Variants in COL11A1 observed in about 807,000 individuals in gnomAD.
COL11A1 encodes the protein collagen type XI alpha 1 chain, also known as collagen alpha-1(XI) chain.
Under a neutral mutation model 265.2 loss-of-function variants are expected in COL11A1, and 74 were observed. The ratio of observed to expected loss-of-function variants is 0.28; its 90% CI spans 0.23 to 0.34. The LOEUF is 0.34. Ranked by LOEUF, COL11A1 falls within the 10% of genes least tolerant of loss-of-function variation. COL11A1 has a pLI of 1.00. For missense variants in COL11A1, 2,165 were observed against 2,263.6 expected (o/e 0.96, Z 0.88); for synonymous variants, 816 against 727.6 (o/e 1.12, Z -1.96).
intron 62 of COL11A1, 137 bp downstream of exon 62, chr1:102,888,440 T>A: frequency 1.3e-6 from 1 of 770,610 alleles, no homozygotes; most frequent in Non-Finnish European, 2.2e-6. Flanking sequence ...TTTGATTACT[T>A]AAATGATATA....
intron 41 of COL11A1, among the ~76,000 whole-genome samples, chr1:102,956,692 AT>A (rs1292651311): frequency 6.6e-6 from 1 of 151,522 alleles, no homozygotes; most frequent in Admixed American, 6.6e-5. Flanking sequence ...GTATTTAAAA[AT>A]ATTAACTATA....
At position 102,965,514 on chromosome 1, in the gene COL11A1, A is replaced by G; in HGVS notation, c.2889T>C (p.Pro963=). ...GTGGTCCAACCACTCCCCCTGGCCC[A>G]GGAGGGCCGGTCTTGCCTTGAAATC... ...ETGFQGKTGP[P]GPGGVVGPQG... Residue 963 remains proline, a synonymous_variant, in exon 38 of 67, where the codon CCT becomes CCC. Transcript: ENST00000370096. 6.2e-7 allele frequency: 1 copy of G among 1,613,730 alleles called. No individual in the cohort carries two copies. The highest frequency in any genetic ancestry group is 8.5e-7 in the Non-Finnish European group (1 of 1,179,740).
chr1:102,943,231 A>T (rs1658913799), intron 42 of COL11A1, among the ~76,000 whole-genome samples: 1 of 151,936 alleles, frequency 6.6e-6, no homozygotes, highest in Admixed American at 6.6e-5. Context: ...GAGGTGATTT[A>T]CATGTCCCTA....
At chr1:102,951,423 A>C (rs879596169) in intron 41 of COL11A1, among the ~76,000 whole-genome samples, 41 of 152,258 alleles carry the variant, frequency 2.7e-4, no homozygotes, top group East Asian at 1.9e-3. Context: ...TCACGCCGGG[A>C]GTGGTGGCTC....
At chr1:103,088,059 CAA>C (rs1031024020) in intron 1 of COL11A1, among the ~76,000 whole-genome samples, 1 of 152,072 alleles carries the variant, frequency 6.6e-6, no homozygotes, top group African/African-American at 2.4e-5. Flanking sequence ...AGTTTGATCC[CAA>C]GTCTTTGATC....
Position 102,944,795 on chromosome 1 carries a change from A to C in COL11A1, c.3276+2054T>G, listed in dbSNP as rs550991357. On this transcript the variant is annotated intron_variant, in intron 42 of 66. Transcript: ENST00000370096. ...ATTAGTATATTCTCAATTTGTATAC[A>C]AAGCAATTTATGTCTATTTTCTCTG... Among the ~76,000 whole-genome samples the C allele has an allele frequency of 2.0e-5, 3 of 152,298 alleles. No individual in the cohort carries two copies. In the South Asian group the frequency reaches 6.2e-4, roughly 32 times the overall value.
chr1:103,073,622 A>G (rs946535930), intron 4 of COL11A1, among the ~76,000 whole-genome samples: 3 of 151,892 alleles, frequency 2.0e-5, no homozygotes, highest in African/African-American at 4.8e-5. Context: ...CAGAAACGAT[A>G]GCATCTCAAA....
chr1:103,001,498 A>G, intron 24 of COL11A1: 1 of 430,796 alleles, frequency 2.3e-6, no homozygotes, highest in East Asian at 3.3e-5. Context: ...CAAGAACATC[A>G]TTTGCTATTC....
At chr1:102,930,812 T>A (rs890035616) in intron 46 of COL11A1, among the ~76,000 whole-genome samples, 5,258 of 151,242 alleles carry the variant, frequency 0.035, 331 homozygotes, top group African/African-American at 0.12. Context: ...CTTCCTGGTT[T>A]AGTCTTGGGA....
At position 102,960,556 on chromosome 1, in the gene COL11A1, A is replaced by C. The variant is rs760749912; in HGVS notation, c.3168+1310T>G. On this transcript the variant is annotated intron_variant, in intron 41 of 66. Coordinates refer to ENST00000370096, the MANE Select transcript of COL11A1 (RefSeq NM_001854.4). ...TCCAAAGATGACTTTATAGAGATTT[A>C]ACATTTAAGAGTTATCTTTATGGTT... Among the ~76,000 whole-genome samples the C allele has an allele frequency of 2.0e-5, 3 of 152,096 alleles. 1 individual carries two copies. The highest frequency in any genetic ancestry group is 4.4e-5 in the Non-Finnish European group (3 of 67,992).
rs116452160 is a variant in COL11A1 at position 102,903,132 on chromosome 1, G to A, written c.4087-4138C>T. On this transcript the variant is annotated intron_variant, in intron 54 of 66. Coordinates refer to ENST00000370096, the MANE Select transcript of COL11A1 (RefSeq NM_001854.4). The stretch of plus-strand genomic sequence containing the variant: ...GGAACTAGCTAAAATGATAACTTTA[G>A]TATTAGAAGTCCATGGCTTATTGAA... Among the ~76,000 whole-genome samples the A allele has an allele frequency of 2.1e-3, 325 of 151,956 alleles. 1 individual carries two copies. The highest frequency in any genetic ancestry group is 7.1e-3 in the African/African-American group (295 of 41,478).
chr1:102,942,022 G>T (rs1000941256), intron 42 of COL11A1, among the ~76,000 whole-genome samples: 18 of 152,096 alleles, frequency 1.2e-4, no homozygotes, highest in African/African-American at 4.1e-4. Flanking sequence ...ACTTGCCTGG[G>T]TTTCATATGT....
Position 102,880,145 on chromosome 1 carries a change from A to G in COL11A1, c.5041-229T>C. On this transcript the variant is annotated intron_variant, in intron 65 of 66. Transcript: ENST00000370096. ...TACTGTAGCCACTGCTTATCTTTGA[A>G]AAAACCACTTTATCTCTAAGTCTTA... 6.0e-6 allele frequency: 3 copies of G among 495,886 alleles called. No homozygotes were observed. In the East Asian group the frequency reaches 1.0e-4, roughly 17 times the overall value. The allele number at this position is 495,886 out of a possible 1,614,324, so 30.7% of individuals were successfully genotyped here. A position where few individuals can be genotyped will look rare whatever the true frequency, so the allele number is the denominator to read the frequency against.
chr1:102,940,025 T>C (rs530241918), intron 43 of COL11A1, among the ~76,000 whole-genome samples: 38 of 152,234 alleles, frequency 2.5e-4, no homozygotes, highest in African/African-American at 8.4e-4. Context: ...ATTTTTTTAT[T>C]TTATATTCAT....
chr1:103,004,754 C>T lies in COL11A1; in HGVS notation c.1846-93G>A, dbSNP rs1665439087. ...GCTATCCAAACCAAATAAAACAGGA[C>T]ATTTGGCAGGGAAAATATATGCTTT... On this transcript the variant is annotated intron_variant, in intron 18 of 66. Coordinates refer to ENST00000370096, the MANE Select transcript of COL11A1 (RefSeq NM_001854.4). 16 of 1,105,568 alleles carry T rather than the reference C, an allele frequency of 1.4e-5. No homozygotes were observed. The South Asian group carries it at 2.0e-4, about 14-fold the overall frequency. The allele number at this position is 1,105,568 out of a possible 1,614,324, so 68.5% of individuals were successfully genotyped here.
At chr1:102,975,265 T>TAAAAAAAAAAAAAAA (rs35123438) in intron 35 of COL11A1, among the ~76,000 whole-genome samples, 1 of 136,294 alleles carries the variant, frequency 7.3e-6, no homozygotes, top group Non-Finnish European at 1.6e-5. Context: ...CAGCCCCGCT[T>TAAAAAAAAAAAAAAA]AAAAAAAAAA....
chr1:103,098,119 T>C (rs1243025126), intron 1 of COL11A1, among the ~76,000 whole-genome samples: 2 of 151,960 alleles, frequency 1.3e-5, no homozygotes, highest in Non-Finnish European at 2.9e-5. Flanking sequence ...AATATAACCA[T>C]TTGACTTTAA....
rs1192135711 is a variant in COL11A1, at chr1:102,879,922, A to G, written c.5041-6T>C. The stretch of plus-strand genomic sequence containing the variant: ...TCAACATCTAAGTATGAAAGCTAGG[A>G]ATAAAGGAATAAAAAGACACCTAAT... On this transcript the variant is annotated splice_region_variant and splice_polypyrimidine_tract_variant and intron_variant, in intron 65 of 66. Transcript: ENST00000370096. 3.8e-6 allele frequency: 6 copies of G among 1,573,210 alleles called. No individual in the cohort carries two copies. Among genetic ancestry groups the G allele is most frequent in the East Asian group, 2.2e-5 (1 of 44,590 alleles).
rs1425394631 is a variant in COL11A1, at chr1:103,026,339, T to G, written c.781-7A>C. 2.0e-5 allele frequency: 31 copies of G among 1,582,166 alleles called. No individual in the cohort carries two copies. The highest frequency in any genetic ancestry group is 2.6e-5 in the Non-Finnish European group (30 of 1,150,946). On this transcript the variant is annotated splice_polypyrimidine_tract_variant and splice_region_variant and intron_variant, in intron 5 of 66. Transcript: ENST00000370096. ...TTATATCCTCTGGTGCATACTACAT[T>G]GCAAAGGAAAAAATATCAGGCAATT...
Sources: gnomAD v4.1 joint callset for allele counts (sites outside exome capture counted in the v4.1 genomes callset) on GRCh38, gnomAD v4.1.1 for gene constraint, MANE v1.5 for transcripts, NCBI Gene and HGNC (gene_info 2026-07-23, HGNC 2026-07-21) for gene names.